TAFA1: variants seen among roughly 807,000 people sequenced by gnomAD.
TAFA1 encodes the protein chemokine-like protein TAFA-1.
In TAFA1, 4 loss-of-function variants were observed where a neutral mutation model predicts 18.5. The observed-to-expected ratio is 0.22, with a 90% CI of 0.11 to 0.49. The LOEUF is 0.49. TAFA1 is among the 20% of genes least tolerant of loss of function. TAFA1 has a pLI of 0.98. For synonymous variants in TAFA1, 56 were observed against 55.2 expected (o/e 1.01, Z -0.06); for missense variants, 147 against 169.0 (o/e 0.87, Z 0.72).
intron 3 of TAFA1, among the ~76,000 whole-genome samples, chr3:68,466,163 A>G (rs1251806247): frequency 6.6e-6 from 1 of 151,580 alleles, no homozygotes; most frequent in Admixed American, 6.6e-5. Flanking sequence ...TAGAGTTGGC[A>G]TACTTCACTT....
chr3:68,355,977 T>G (rs2069355108), intron 2 of TAFA1, among the ~76,000 whole-genome samples: 1 of 152,074 alleles, frequency 6.6e-6, no homozygotes, highest in African/African-American at 2.4e-5. Context: ...AAGAAATAAA[T>G]ATTTTAAAAA....
chr3:68,345,827 A>T (rs2106763012), intron 2 of TAFA1, among the ~76,000 whole-genome samples: 1 of 152,322 alleles, frequency 6.6e-6, no homozygotes, highest in African/African-American at 2.4e-5. Context: ...AGATGGGGAT[A>T]GGAAAGGGTG....
intron 2 of TAFA1, among the ~76,000 whole-genome samples, chr3:68,244,729 A>G (rs371447771): frequency 9.8e-5 from 15 of 152,318 alleles, no homozygotes; most frequent in East Asian, 9.6e-4. Flanking sequence ...TGTCCTGCAT[A>G]AAAATAATTA....
chr3:68,105,682 A>T (rs1274083881), intron 2 of TAFA1, among the ~76,000 whole-genome samples: 1 of 152,190 alleles, frequency 6.6e-6, no homozygotes, highest in East Asian at 1.9e-4. Context: ...TCTGCTAAGT[A>T]AACTTATTAA....
At chr3:68,204,382 G>C (rs551437646) in intron 2 of TAFA1, among the ~76,000 whole-genome samples, 1 of 151,676 alleles carries the variant, frequency 6.6e-6, no homozygotes. Flanking sequence ...ACTTACACTG[G>C]CCTTTTGGTT....
At chr3:68,257,909 C>A (rs1277386928) in intron 2 of TAFA1, among the ~76,000 whole-genome samples, 1 of 152,106 alleles carries the variant, frequency 6.6e-6, no homozygotes, top group Non-Finnish European at 1.5e-5. Flanking sequence ...CTCTAAAATT[C>A]ATAACCCCAG....
At chr3:68,052,609 C>G (rs1245277826) in intron 2 of TAFA1, among the ~76,000 whole-genome samples, 1 of 152,160 alleles carries the variant, frequency 6.6e-6, no homozygotes, top group East Asian at 1.9e-4. Flanking sequence ...TGTCCCCTGG[C>G]TTTACATCCT....
At chr3:67,994,622 T>A in the TAFA1 span, among the ~76,000 whole-genome samples, 1 of 152,182 alleles carries the variant, frequency 6.6e-6, no homozygotes, top group Non-Finnish European at 1.5e-5. Context: ...TGTTTACTCT[T>A]CTTTCCAGGG....
intron 3 of TAFA1, among the ~76,000 whole-genome samples, chr3:68,482,114 C>A (rs184148244): frequency 4.6e-4 from 70 of 152,304 alleles, no homozygotes; most frequent in Middle Eastern, 6.8e-3. Context: ...GGGTTCATGC[C>A]AGTGTCCTGC....
In TAFA1 at chr3:68,491,376, C is replaced by A. The variant is rs577093486; in HGVS notation, c.260-47380C>A. ...ATGTAGCCATAAAAAATGATGAGTT[C>A]ATGTCCTTTGTAGGGACATGGATGA... On this transcript the variant is annotated intron_variant, in intron 3 of 4. Transcript: ENST00000478136. Among the ~76,000 whole-genome samples the A allele has an allele frequency of 3.3e-3, 508 of 152,152 alleles. 2 individuals are homozygous for A. The highest frequency in any genetic ancestry group is 5.2e-3 in the Non-Finnish European group (351 of 68,010).
chr3:68,175,965 G>A (rs7624735), intron 2 of TAFA1, among the ~76,000 whole-genome samples: 13 of 152,120 alleles, frequency 8.5e-5, no homozygotes, highest in African/African-American at 3.1e-4. Flanking sequence ...TAGTGAATAT[G>A]TCTCACAAGA....
intron 3 of TAFA1, among the ~76,000 whole-genome samples, chr3:68,429,988 T>G (rs1195557240): frequency 6.6e-6 from 1 of 151,976 alleles, no homozygotes; most frequent in Non-Finnish European, 1.5e-5. Context: ...TTTGGAGTAT[T>G]GACTATGTGC....
At chr3:68,531,785 C>G (rs1423822240) in intron 3 of TAFA1, among the ~76,000 whole-genome samples, 3 of 152,058 alleles carry the variant, frequency 2.0e-5, no homozygotes, top group Non-Finnish European at 4.4e-5. Flanking sequence ...TAACAAGCAC[C>G]TGACCATCAA....
intron 3 of TAFA1, among the ~76,000 whole-genome samples, chr3:68,483,009 T>C (rs1241182975): frequency 2.0e-5 from 3 of 152,210 alleles, no homozygotes; most frequent in Non-Finnish European, 2.9e-5. Context: ...CTGTTGTTTC[T>C]TGCAATCAAC....
intron 3 of TAFA1, among the ~76,000 whole-genome samples, chr3:68,526,661 A>G (rs565410033): frequency 2.5e-4 from 38 of 152,248 alleles, no homozygotes; most frequent in African/African-American, 8.4e-4. Context: ...GTCTAATAGT[A>G]CTCTCATAAT....
the TAFA1 span, among the ~76,000 whole-genome samples, chr3:67,996,153 C>T: frequency 6.6e-6 from 1 of 152,094 alleles, no homozygotes; most frequent in Non-Finnish European, 1.5e-5. Context: ...GTCTCCGTAC[C>T]TCATTTGTTG....
intron 3 of TAFA1, among the ~76,000 whole-genome samples, chr3:68,484,435 G>C (rs1575911628): frequency 6.6e-6 from 1 of 152,144 alleles, no homozygotes; most frequent in African/African-American, 2.4e-5. Context: ...GTAGCAGAGA[G>C]GAATTAATTT....
intron 2 of TAFA1, among the ~76,000 whole-genome samples, chr3:68,220,208 C>T (rs1231483428): frequency 6.6e-6 from 1 of 152,108 alleles, no homozygotes; most frequent in Non-Finnish European, 1.5e-5. Flanking sequence ...TATATGATCA[C>T]TGAGATAGAT....
intron 2 of TAFA1, among the ~76,000 whole-genome samples, chr3:68,019,095 C>G (rs1020484875): frequency 6.6e-6 from 1 of 152,190 alleles, no homozygotes; most frequent in East Asian, 1.9e-4. Flanking sequence ...TATCAGCAAT[C>G]TACTCTTGGT....
Sources: gnomAD v4.1 joint callset for allele counts (sites outside exome capture counted in the v4.1 genomes callset) on GRCh38, gnomAD v4.1.1 for gene constraint, MANE v1.5 for transcripts, NCBI Gene and HGNC (gene_info 2026-07-23, HGNC 2026-07-21) for gene names.